SLC24A2: variants seen among roughly 807,000 people sequenced by gnomAD.
SLC24A2 encodes sodium/potassium/calcium exchanger 2.
Under a neutral mutation model 62.0 loss-of-function variants are expected in SLC24A2, and 36 were observed. The observed-to-expected ratio is 0.58, with a 90% CI of 0.44 to 0.77. SLC24A2 has a LOEUF of 0.77. SLC24A2 is among the 30% of genes least tolerant of loss of function. The probability of loss-of-function intolerance (pLI) is 0.00; values close to 1 mark genes in which losing one functional copy is unlikely to be tolerated. For missense variants in SLC24A2, 846 were observed against 817.9 expected, an observed-to-expected ratio of 1.03 and a Z score of -0.42; for synonymous variants, 358 against 294.0, an observed-to-expected ratio of 1.22 and a Z score of -2.23.
At chr9:20,037,416 T>A in the SLC24A2 span, among the ~76,000 whole-genome samples, 1 of 152,314 alleles carries the variant, frequency 6.6e-6, no homozygotes, top group Admixed American at 6.5e-5. Flanking sequence ...TGACTGTATA[T>A]GACATTTGCT....
chr9:19,764,099 TA>T (rs1822437190), intron 2 of SLC24A2, among the ~76,000 whole-genome samples: 1 of 152,236 alleles, frequency 6.6e-6, no homozygotes, highest in African/African-American at 2.4e-5. Context: ...TTTATTTGCA[TA>T]GAGGTGTTTA....
At chr9:20,038,628 C>CAA in the SLC24A2 span, among the ~76,000 whole-genome samples, 32 of 32,398 alleles carry the variant, frequency 9.9e-4, no homozygotes, top group African/African-American at 3.2e-3. Context: ...GTAAAAGAAA[C>CAA]AAACAAAAAA....
chr9:19,645,281 T>C (rs889554728), intron 2 of SLC24A2, among the ~76,000 whole-genome samples: 3 of 152,216 alleles, frequency 2.0e-5, no homozygotes, highest in Non-Finnish European at 2.9e-5. Flanking sequence ...TTTCTGCCAT[T>C]TTAGGAATAT....
chr9:19,956,799 C>G, the SLC24A2 span, among the ~76,000 whole-genome samples: 1 of 152,300 alleles, frequency 6.6e-6, no homozygotes, highest in Non-Finnish European at 1.5e-5. Context: ...GGTGGAGACA[C>G]AGCCAAACCA....
intron 2 of SLC24A2, among the ~76,000 whole-genome samples, chr9:19,669,118 A>G (rs764008780): frequency 2.6e-5 from 4 of 152,210 alleles, no homozygotes; most frequent in Non-Finnish European, 5.9e-5. Context: ...TTGAAAGAAG[A>G]AGAGAATAAG....
chr9:19,836,694 C>T, the SLC24A2 span, among the ~76,000 whole-genome samples: 202 of 152,188 alleles, frequency 1.3e-3, 2 homozygotes, highest in African/African-American at 4.5e-3. Context: ...TTCCAATCAA[C>T]AGAAAAAGAG....
At chr9:20,113,169 C>A in the SLC24A2 span, among the ~76,000 whole-genome samples, 1 of 152,136 alleles carries the variant, frequency 6.6e-6, no homozygotes, top group African/African-American at 2.4e-5. Context: ...TCCCCCAGGA[C>A]TGGTCAAGAA....
the SLC24A2 span, among the ~76,000 whole-genome samples, chr9:20,066,765 A>G: frequency 2.0e-5 from 3 of 152,056 alleles, no homozygotes; most frequent in Non-Finnish European, 4.4e-5. Context: ...GCCCACACTC[A>G]CTCACTACCT....
At chr9:19,715,027 C>T (rs940340393) in intron 2 of SLC24A2, among the ~76,000 whole-genome samples, 1 of 151,942 alleles carries the variant, frequency 6.6e-6, no homozygotes, top group Non-Finnish European at 1.5e-5. Context: ...GGTGCCTCAA[C>T]CTTTCCCCCT....
the SLC24A2 span, among the ~76,000 whole-genome samples, chr9:20,042,507 T>A: frequency 7.2e-5 from 11 of 152,204 alleles, no homozygotes; most frequent in Non-Finnish European, 1.6e-4. Context: ...CCTAGGGGAC[T>A]GAGTCATGGG....
the SLC24A2 span, among the ~76,000 whole-genome samples, chr9:20,230,914 C>T: frequency 0.11 from 16,686 of 152,104 alleles, 1,057 homozygotes; most frequent in Middle Eastern, 0.16. Context: ...TTTTGCATAA[C>T]GTGTAAGGAA....
chr9:20,188,810 G>A, the SLC24A2 span, among the ~76,000 whole-genome samples: 1 of 152,174 alleles, frequency 6.6e-6, no homozygotes, highest in East Asian at 1.9e-4. Flanking sequence ...GAGTCCTGCT[G>A]GCACATGGAT....
the SLC24A2 span, among the ~76,000 whole-genome samples, chr9:20,125,329 C>T: frequency 2.0e-5 from 3 of 152,150 alleles, no homozygotes; most frequent in Non-Finnish European, 4.4e-5. Context: ...AGGAAAGTGA[C>T]TTGACTAAGG....
chr9:19,597,662 C>A (rs1203797226), intron 4 of SLC24A2, among the ~76,000 whole-genome samples: 2 of 152,184 alleles, frequency 1.3e-5, no homozygotes, highest in East Asian at 3.8e-4. Flanking sequence ...CTCATGGAAG[C>A]TTGCAGACAC....
chr9:19,768,592 G>A (rs1211505996), intron 2 of SLC24A2, among the ~76,000 whole-genome samples: 1 of 152,116 alleles, frequency 6.6e-6, no homozygotes, highest in Non-Finnish European at 1.5e-5. Context: ...CTACAGCGTG[G>A]ATACCCTAGA....
At chr9:20,208,889 A>G in the SLC24A2 span, among the ~76,000 whole-genome samples, 4 of 152,220 alleles carry the variant, frequency 2.6e-5, no homozygotes, top group African/African-American at 7.2e-5. Context: ...TTTGTTGGAC[A>G]TGGGGAGCAA....
chr9:19,542,859 C>A (rs200706373), intron 8 of SLC24A2, among the ~76,000 whole-genome samples: 7 of 152,188 alleles, frequency 4.6e-5, no homozygotes, highest in African/African-American at 1.7e-4. Context: ...TGGGGATTTT[C>A]GCATCGATGT....
chr9:19,637,110 A>T (rs1260588027), intron 2 of SLC24A2, among the ~76,000 whole-genome samples: 2 of 152,246 alleles, frequency 1.3e-5, no homozygotes, highest in Non-Finnish European at 2.9e-5. Flanking sequence ...GAGGAATTCC[A>T]AAAGGACCCG....
chr9:19,557,038 A>T (rs1333688190), intron 7 of SLC24A2, among the ~76,000 whole-genome samples: 1 of 152,226 alleles, frequency 6.6e-6, no homozygotes, highest in Non-Finnish European at 1.5e-5. Flanking sequence ...CCTTGAGACC[A>T]GCCCCCTCAT....
Sources: allele counts gnomAD v4.1 joint callset (sites outside exome capture counted in the v4.1 genomes callset), GRCh38; gene constraint gnomAD v4.1.1; transcripts MANE v1.5; gene names NCBI Gene and HGNC (gene_info 2026-07-23, HGNC 2026-07-21).